PPT1: variants seen among roughly 807,000 people sequenced by gnomAD.
The protein encoded by PPT1 is ceroid-palmitoyl-palmitoyl-protein thioesterase 1.
Under a neutral mutation model 44.0 loss-of-function variants are expected in PPT1, and 24 were observed. The ratio of observed to expected loss-of-function variants is 0.54; its 90% confidence interval spans 0.39 to 0.77. The LOEUF is 0.77. PPT1 is among the 30% of genes least tolerant of loss of function. The pLI is 0.00. For synonymous variants in PPT1, 148 were observed against 140.2 expected, an observed-to-expected ratio of 1.06 and a Z score of -0.39; for missense variants, 341 against 378.8, an observed-to-expected ratio of 0.90 and a Z score of 0.83.
chr1:40,094,014 G>A (rs7533094), intron 1 of PPT1: 53,031 of 705,520 alleles, frequency 0.075, 2,742 homozygotes, highest in African/African-American at 0.18. Flanking sequence ...GCAACATAAC[G>A]AGACCCTGTC....
rs1382833517 is a variant in PPT1 at position 40,089,424 on chromosome 1, T to G, written c.522A>C (p.Lys174Asn). 1 of 1,614,068 alleles carries G rather than the reference T, an allele frequency of 6.2e-7. No homozygotes were observed. The highest frequency in any genetic ancestry group is 8.5e-7 in the Non-Finnish European group (1 of 1,179,958). ...RKTLNAGAYS[K>N]VVQERLVQAE... is the part of the protein sequence containing the mutation. Reference sequence around the variant, plus strand: ...ACCATACATACCGTTCCTGAACAACTTTGGAGTACGCCCCAGCATTCAGTG... The same window carrying G: ...ACCATACATACCGTTCCTGAACAACGTTGGAGTACGCCCCAGCATTCAGTG... The change falls in exon 5 of 9, where the codon AAA (lysine) becomes AAC (asparagine). Residue 174 changes from lysine (K) to asparagine (N), a missense_variant. Physicochemically the swap from Lys to Asn is moderately conservative, Grantham distance 94. Coordinates refer to ENST00000642050, the MANE Select transcript of PPT1 (RefSeq NM_000310.4).
At chr1:40,079,688 G>A (rs757169810) in intron 6 of PPT1, among the ~76,000 whole-genome samples, 10 of 152,078 alleles carry the variant, frequency 6.6e-5, no homozygotes, top group Non-Finnish European at 1.5e-4. Flanking sequence ...GAGCCACCAC[G>A]CCCGGCCTTC....
rs1033839508 is a variant in PPT1, at chr1:40,084,877, G to A, written c.537-4390C>T. Among the ~76,000 whole-genome samples the A allele has an allele frequency of 4.6e-5, 7 of 152,366 alleles. No homozygotes were observed. The East Asian group carries it at 1.4e-3, about 29-fold the overall frequency. Reference sequence around the variant, plus strand: ...CTGTCATGCCCGGACAGGGCCACTAGAGGGCTCCTTGGTCTAGCGGTAATG... The same window carrying A: ...CTGTCATGCCCGGACAGGGCCACTAAAGGGCTCCTTGGTCTAGCGGTAATG... On this transcript the variant is annotated intron_variant, in intron 5 of 8. Transcript: ENST00000642050.
At chr1:40,087,539 C>T (rs1008571384) in intron 5 of PPT1, among the ~76,000 whole-genome samples, 2 of 151,906 alleles carry the variant, frequency 1.3e-5, no homozygotes, top group African/African-American at 4.8e-5. Flanking sequence ...CACTGCGCCC[C>T]GCCTTAATCA....
At chr1:40,076,640 G>A (rs1259556782) in intron 8 of PPT1, 2 of 1,397,498 alleles carry the variant, frequency 1.4e-6, no homozygotes, top group Non-Finnish European at 9.3e-7. Context: ...GTGGATTTTT[G>A]TAACCCAGTG....
rs375858133 is a variant in PPT1, at chr1:40,080,484, G to A, written c.540C>T (p.Leu180=). 1.9e-6 allele frequency: 3 copies of A among 1,613,448 alleles called. No individual in the cohort carries two copies. The highest frequency in any genetic ancestry group is 1.3e-5 in the African/African-American group (1 of 74,818). ...GGTCATGCCAGTATTCGGCTTGCAC[G>A]AGGCTGTAGGAAAAAAAAAGAATGA... is the stretch of plus-strand genomic sequence containing the variant. ...GAYSKVVQER[L]VQAEYWHDPI... is the part of the protein sequence containing the mutation. The change falls in exon 6 of 9, where the codon CTC becomes CTT. Residue 180 remains leucine (L), a synonymous_variant. Coordinates refer to ENST00000642050, the MANE Select transcript of PPT1 (RefSeq NM_000310.4).
chr1:40,089,687 C>T, intron 4 of PPT1, 175 bp from the exon 5 acceptor site: 2 of 677,582 alleles, frequency 3.0e-6, no homozygotes, highest in Non-Finnish European at 5.4e-6. Flanking sequence ...CCTCCTGGTG[C>T]TGCTACACTC....
chr1:40,096,986 CT>C, intron 1 of PPT1, 128 bp downstream of exon 1: 2 of 1,534,608 alleles, frequency 1.3e-6, no homozygotes, highest in Non-Finnish European at 1.8e-6. Context: ...CCTTCAAATC[CT>C]AAAATGTCGA....
At chr1:40,085,976 G>GTTGCAA (rs1460321208) in intron 5 of PPT1, among the ~76,000 whole-genome samples, 5 of 152,286 alleles carry the variant, frequency 3.3e-5, no homozygotes, top group African/African-American at 1.2e-4. Flanking sequence ...AGAAAACCAA[G>GTTGCAA]TTGCAAGTTC....
downstream of PPT1, chr1:40,072,371 A>G (rs1452958518): frequency 6.7e-6 from 2 of 300,226 alleles, no homozygotes; most frequent in Non-Finnish European, 1.2e-5. Context: ...CATGCTCATC[A>G]GCTTATGGCT....
intron 5 of PPT1, among the ~76,000 whole-genome samples, chr1:40,084,368 G>C (rs1649142911): frequency 6.6e-6 from 1 of 152,172 alleles, no homozygotes; most frequent in Non-Finnish European, 1.5e-5. Flanking sequence ...GACAACAAAG[G>C]ATTTAGAATA....
At chr1:40,090,012 A>T (rs192531104) in intron 4 of PPT1, among the ~76,000 whole-genome samples, 85 of 152,284 alleles carry the variant, frequency 5.6e-4, no homozygotes, top group Non-Finnish European at 8.5e-4. Flanking sequence ...AAACTGTAAA[A>T]ATGAGGTTAA....
chr1:40,096,430 A>G (rs1218842509), intron 1 of PPT1, among the ~76,000 whole-genome samples: 2 of 151,008 alleles, frequency 1.3e-5, no homozygotes, highest in African/African-American at 2.4e-5. Flanking sequence ...CTAATCTGAA[A>G]ATGGGAAACC....
intron 8 of PPT1, among the ~76,000 whole-genome samples, chr1:40,076,246 C>T (rs935954521): frequency 6.6e-6 from 1 of 152,064 alleles, no homozygotes; most frequent in Non-Finnish European, 1.5e-5. Flanking sequence ...GGGTGGATCA[C>T]CTGAGGTCAG....
chr1:40,087,996 A>C (rs2124482553), intron 5 of PPT1, among the ~76,000 whole-genome samples: 1 of 152,364 alleles, frequency 6.6e-6, no homozygotes, highest in South Asian at 2.1e-4. Context: ...GTCAGTCACA[A>C]GGCTGTATCT....
Position 40,076,865 on chromosome 1 carries a change from G to A in PPT1, c.775C>T (p.Gln259Ter). The A allele has an allele frequency of 1.2e-6, 2 of 1,614,156 alleles. No individual in the cohort carries two copies. Among genetic ancestry groups the A allele is most frequent in the Non-Finnish European group, 8.5e-7 (1 of 1,179,988 alleles). Reference sequence around the variant, plus strand: ...ACCTGTGTGTACAGGGAGGTCTCCTGTAAGGGAATGGTTTCCTTGGCTTGG... The same window carrying A: ...ACCTGTGTGTACAGGGAGGTCTCCTATAAGGGAATGGTTTCCTTGGCTTGG... ...SGQAKETIPLQETSLYTQDRL... is the reference protein window; with the variant it reads ...SGQAKETIPL The change falls in exon 8 of 9, where the codon CAG becomes TAG. Residue 259 changes from glutamine (Q) to a stop codon, truncating the protein, a stop_gained. Transcript: ENST00000642050. LOFTEE classifies it high-confidence loss of function.
chr1:40,094,898 C>A (rs1447865413), intron 1 of PPT1, among the ~76,000 whole-genome samples: 1 of 152,220 alleles, frequency 6.6e-6, no homozygotes, highest in African/African-American at 2.4e-5. Flanking sequence ...AAACACAAAG[C>A]TCCTACCCTG....
rs200434104 is a variant in PPT1, at chr1:40,078,658, C to G, written c.628G>C (p.Gly210Arg). The part of the protein sequence containing the change: ...IFLADINQER[G>R]INESYKKNLM... ...TTTTTCTTGTAGGACTCATTGATAC[C>G]CTGAAAGAAAGGCCAGCAACACCTA... is the stretch of plus-strand genomic sequence containing the variant. The change falls in exon 7 of 9, where the codon GGT (glycine) becomes CGT (arginine). Residue 210 changes from glycine (G) to arginine (R), a missense_variant and splice_region_variant. Transcript: ENST00000642050. 1.7e-5 allele frequency: 28 copies of G among 1,612,572 alleles called. No homozygotes were observed. The highest frequency in any genetic ancestry group is 3.3e-5 in the Admixed American group (2 of 59,982).
chr1:40,092,541 A>G (rs1458266196), intron 1 of PPT1, 34 bp from the exon 2 acceptor site: 1 of 1,483,038 alleles, frequency 6.7e-7, no homozygotes. Context: ...GAAACTCATG[A>G]GTCCAAATAT....
Sources: allele counts gnomAD v4.1 joint callset (sites outside exome capture counted in the v4.1 genomes callset), GRCh38; gene constraint gnomAD v4.1.1; transcripts MANE v1.5; gene names NCBI Gene and HGNC (gene_info 2026-07-23, HGNC 2026-07-21).